Variants in RASSF8 observed in about 807,000 individuals in gnomAD.
RASSF8 encodes the protein ras association domain-containing protein 8.
Under a neutral mutation model 48.5 loss-of-function variants are expected in RASSF8, and 22 were observed. The observed-to-expected ratio is 0.45, with a 90% CI of 0.32 to 0.65. RASSF8 has a LOEUF of 0.65. Ranked by LOEUF, RASSF8 falls within the 30% of genes least tolerant of loss-of-function variation. The pLI is 0.03. For synonymous variants in RASSF8, 127 were observed against 171.5 expected, an observed-to-expected ratio of 0.74 and a Z score of 2.03; for missense variants, 418 against 489.2, an observed-to-expected ratio of 0.85 and a Z score of 1.37.
intron 1 of RASSF8, among the ~76,000 whole-genome samples, chr12:25,977,991 T>A (rs1306972652): frequency 6.6e-6 from 1 of 152,182 alleles, no homozygotes; most frequent in African/African-American, 2.4e-5. Flanking sequence ...ACTCCTCTTT[T>A]CAAATCCTCA....
intron 4 of RASSF8, 62 bp downstream of exon 4, chr12:26,065,449 C>T: frequency 6.7e-7 from 1 of 1,488,394 alleles, no homozygotes; most frequent in South Asian, 1.4e-5. Context: ...CTTGGAATCT[C>T]CTTTTCATCA....
At position 26,071,830 on chromosome 12, in the gene RASSF8, T is replaced by C; in HGVS notation, c.*3012T>C. The C allele has an allele frequency of 6.1e-6, 6 of 982,802 alleles. No homozygotes were observed. Among genetic ancestry groups the C allele is most frequent in the Non-Finnish European group, 7.3e-6 (6 of 827,566 alleles). 60.9% of individuals were successfully genotyped at this position (982,802 alleles called of 1,614,324 possible). On this transcript the variant is annotated 3_prime_UTR_variant, in exon 6 of 6. Coordinates refer to ENST00000689635, the MANE Select transcript of RASSF8 (RefSeq NM_001394098.1). ...TAAATACAGTAAAAAAAAAATAGAA[T>C]TTATGGTGTGAAATATGAAGTATAG...
intron 5 of RASSF8, among the ~76,000 whole-genome samples, chr12:26,078,611 A>G: frequency 6.6e-6 from 1 of 152,272 alleles, no homozygotes; most frequent in Admixed American, 6.5e-5. Flanking sequence ...ACACATGTTT[A>G]AAATCTGAAT....
chr12:26,053,258 TCTGTACC>T (rs1288894269), intron 2 of RASSF8, among the ~76,000 whole-genome samples: 1 of 151,950 alleles, frequency 6.6e-6, no homozygotes, highest in Non-Finnish European at 1.5e-5. Flanking sequence ...TTTAATGAGA[TCTGTACC>T]CTTTCTTGCT....
At chr12:26,024,814 G>A (rs76567526) in intron 2 of RASSF8, among the ~76,000 whole-genome samples, 10,047 of 151,946 alleles carry the variant, frequency 0.066, 722 homozygotes, top group East Asian at 0.27. Context: ...AAAATTAGCC[G>A]GGCGTGGTGG....
At chr12:25,990,563 T>G (rs2643940) in intron 1 of RASSF8, among the ~76,000 whole-genome samples, 2,727 of 152,328 alleles carry the variant, frequency 0.018, 92 homozygotes, top group African/African-American at 0.063. Context: ...ATCTACCTTA[T>G]TGTTTCTGTG....
At chr12:26,046,489 A>G (rs1393182875) in intron 2 of RASSF8, among the ~76,000 whole-genome samples, 1 of 152,186 alleles carries the variant, frequency 6.6e-6, no homozygotes, top group Admixed American at 6.5e-5. Flanking sequence ...AGGATTAAAT[A>G]TCTGTTCTGC....
intron 2 of RASSF8, among the ~76,000 whole-genome samples, chr12:26,016,773 A>C (rs1180219234): frequency 6.6e-6 from 1 of 152,018 alleles, no homozygotes; most frequent in Non-Finnish European, 1.5e-5. Flanking sequence ...ATGTTACTTG[A>C]TTTTCATCTA....
chr12:26,007,236 C>A (rs1942413532), intron 2 of RASSF8, among the ~76,000 whole-genome samples: 2 of 152,112 alleles, frequency 1.3e-5, no homozygotes, highest in African/African-American at 4.8e-5. Context: ...TCCCACTAGG[C>A]CCCACGTCCC....
At chr12:26,003,992 C>T (rs2136993829) in intron 2 of RASSF8, among the ~76,000 whole-genome samples, 1 of 152,132 alleles carries the variant, frequency 6.6e-6, no homozygotes, top group East Asian at 1.9e-4. Context: ...GACAGGGCAA[C>T]ATGGTGAAAC....
chr12:25,991,479 G>A (rs1942013588), intron 1 of RASSF8, among the ~76,000 whole-genome samples: 4 of 151,924 alleles, frequency 2.6e-5, no homozygotes, highest in Admixed American at 2.6e-4. Flanking sequence ...TGGCTTGGGT[G>A]AATGGTTTTA....
downstream of RASSF8, among the ~76,000 whole-genome samples, chr12:26,073,994 G>T (rs180897961): frequency 0.036 from 5,496 of 151,316 alleles, 546 homozygotes; most frequent in East Asian, 0.29. Flanking sequence ...TAAAAAAAAA[G>T]TATATATATG....
intron 1 of RASSF8, among the ~76,000 whole-genome samples, chr12:25,966,738 T>TTG: frequency 6.6e-6 from 1 of 152,350 alleles, no homozygotes; most frequent in South Asian, 2.1e-4. Context: ...TTGTGTCTCA[T>TTG]CGTTTTCTTA....
At chr12:26,035,916 A>G (rs1010544369) in intron 2 of RASSF8, among the ~76,000 whole-genome samples, 2 of 146,232 alleles carry the variant, frequency 1.4e-5, no homozygotes, top group African/African-American at 2.5e-5. Context: ...GATTTCATAT[A>G]TATGATATAT....
intron 2 of RASSF8, among the ~76,000 whole-genome samples, chr12:26,019,105 T>C (rs892934931): frequency 6.6e-6 from 1 of 152,196 alleles, no homozygotes; most frequent in South Asian, 2.1e-4. Flanking sequence ...CAGGTTATTA[T>C]GGAGTGATCG....
intron 2 of RASSF8, among the ~76,000 whole-genome samples, chr12:26,028,786 G>A (rs1234457397): frequency 2.0e-5 from 3 of 152,130 alleles, no homozygotes; most frequent in Non-Finnish European, 4.4e-5. Context: ...ATGTAAGGAG[G>A]GATGAATGAG....
At chr12:25,966,575 A>G (rs556252524) in intron 1 of RASSF8, among the ~76,000 whole-genome samples, 1 of 152,244 alleles carries the variant, frequency 6.6e-6, no homozygotes, top group African/African-American at 2.4e-5. Context: ...TGTGTTTTTT[A>G]TGCTATCTTT....
chr12:26,040,749 T>C (rs1943246098), intron 2 of RASSF8, among the ~76,000 whole-genome samples: 1 of 152,236 alleles, frequency 6.6e-6, no homozygotes, highest in African/African-American at 2.4e-5. Context: ...TTTCTTGAAC[T>C]GTGGCTTTTT....
chr12:25,967,360 T>G (rs949784918), intron 1 of RASSF8, among the ~76,000 whole-genome samples: 1 of 152,244 alleles, frequency 6.6e-6, no homozygotes, highest in African/African-American at 2.4e-5. Flanking sequence ...CTTATCCCTT[T>G]TAACTAATCT....
Sources: gnomAD v4.1 joint callset for allele counts (sites outside exome capture counted in the v4.1 genomes callset) on GRCh38, gnomAD v4.1.1 for gene constraint, MANE v1.5 for transcripts, NCBI Gene and HGNC (gene_info 2026-07-23, HGNC 2026-07-21) for gene names.